CNOT2: variants seen among roughly 807,000 people sequenced by gnomAD.
CNOT2 encodes CC chemokine receptor 4-negative regulator of transcription 2.
A neutral mutation model predicts 72.1 loss-of-function variants in CNOT2; 7 were observed. The observed-to-expected ratio is 0.10, with a 90% CI of 0.06 to 0.18. The LOEUF is 0.18. CNOT2 is among the 10% of genes least tolerant of loss of function. The pLI is 1.00. For synonymous variants in CNOT2, 196 were observed against 225.6 expected, an observed-to-expected ratio of 0.87 and a Z score of 1.17; for missense variants, 345 against 660.3, an observed-to-expected ratio of 0.52 and a Z score of 5.23.
chr12:70,294,025 A>C (rs751433487), intron 2 of CNOT2: 142 of 915,134 alleles, frequency 1.6e-4, no homozygotes, highest in Non-Finnish European at 2.1e-4. Flanking sequence ...TAATGTTGAA[A>C]CTGGACATTC....
In CNOT2 at chr12:70,315,807, G is replaced by A. The variant is rs762477709; in HGVS notation, c.172-3491G>A. ...AGCATTCTATTAATCTTTTTCTACCGTTTGCCACTCTTAAGAGCACAAGTT... is the reference window on the plus strand; with the variant it reads ...AGCATTCTATTAATCTTTTTCTACCATTTGCCACTCTTAAGAGCACAAGTT... On this transcript the variant is annotated intron_variant, in intron 3 of 15. Coordinates refer to ENST00000229195, the MANE Select transcript of CNOT2 (RefSeq NM_014515.7). Among the ~76,000 whole-genome samples the A allele has an allele frequency of 5.3e-5, 8 of 151,974 alleles. No individual in the cohort carries two copies. In the East Asian group the frequency reaches 5.8e-4, roughly 11 times the overall value.
At chr12:70,257,949 C>T (rs1419457646) in intron 1 of CNOT2, among the ~76,000 whole-genome samples, 2 of 152,058 alleles carry the variant, frequency 1.3e-5, no homozygotes, top group Admixed American at 6.5e-5. Context: ...AAATTGTGTC[C>T]TTTTTAATTT....
chr12:70,324,059 G>A (rs780466469), intron 4 of CNOT2: 1 of 151,778 alleles, frequency 6.6e-6, no homozygotes, highest in Non-Finnish European at 1.5e-5. Flanking sequence ...CAGATTGTAA[G>A]TAGTAGAACC....
chr12:70,337,279 A>G (rs1164499692), intron 8 of CNOT2, 110 bp from the exon 9 acceptor site: 1 of 828,190 alleles, frequency 1.2e-6, no homozygotes, highest in African/African-American at 1.7e-5. Flanking sequence ...TCATAGCATT[A>G]AAAAAAAGAA....
At chr12:70,302,144 G>T (rs1274425928) in intron 2 of CNOT2, among the ~76,000 whole-genome samples, 4 of 152,080 alleles carry the variant, frequency 2.6e-5, no homozygotes, top group Non-Finnish European at 4.4e-5. Flanking sequence ...TATCAATTTT[G>T]TTGATCCTTT....
At chr12:70,313,162 G>T (rs1876758699) in intron 3 of CNOT2, among the ~76,000 whole-genome samples, 1 of 151,720 alleles carries the variant, frequency 6.6e-6, no homozygotes, top group South Asian at 2.1e-4. Context: ...CAGTGTGATG[G>T]GTCTTTTCCA....
At chr12:70,339,076 GTA>G (rs748811801) in intron 11 of CNOT2, among the ~76,000 whole-genome samples, 1,571 of 128,438 alleles carry the variant, frequency 0.012, 12 homozygotes, top group Admixed American at 0.018. Context: ...ATGTGTGTGT[GTA>G]TATATATATA....
At position 70,338,730 on chromosome 12, in the gene CNOT2, A is replaced by G. The variant is rs1318891345; in HGVS notation, c.1086A>G (p.Thr362=). ...AATTTGGAATGATTGGCCTGTTAACATTTATCAGGGCAGCAGAGACAGACC... is the reference window on the plus strand; with the variant it reads ...AATTTGGAATGATTGGCCTGTTAACGTTTATCAGGGCAGCAGAGACAGACC... ...TDQFGMIGLL[T]FIRAAETDPG... is the part of the protein sequence containing the mutation. Residue 362 remains threonine (T), a synonymous_variant, in exon 11 of 16, where the codon ACA becomes ACG. Transcript: ENST00000229195. 1.2e-6 allele frequency: 2 copies of G among 1,612,808 alleles called. No individual in the cohort carries two copies. Among genetic ancestry groups the G allele is most frequent in the Admixed American group, 1.7e-5 (1 of 59,936 alleles).
At position 70,319,327 on chromosome 12, in the gene CNOT2, G is replaced by A. The variant is rs774215767; in HGVS notation, c.201G>A (p.Gln67=). ...DMLASPSTSG[Q]LSQFGASLYG... ...TGGCATCACCATCTACATCAGGTCAGCTGTCTCAGTTTGGGGCAAGTTTAT... is the reference window on the plus strand; with the variant it reads ...TGGCATCACCATCTACATCAGGTCAACTGTCTCAGTTTGGGGCAAGTTTAT... Residue 67 remains glutamine (Q), a synonymous_variant, in exon 4 of 16, where the codon CAG becomes CAA. Coordinates refer to ENST00000229195, the MANE Select transcript of CNOT2 (RefSeq NM_014515.7). 2.2e-5 allele frequency: 36 copies of A among 1,610,566 alleles called. No individual in the cohort carries two copies. The highest frequency in any genetic ancestry group is 1.6e-4 in the Middle Eastern group (1 of 6,066).
intron 2 of CNOT2, among the ~76,000 whole-genome samples, chr12:70,308,665 C>T (rs572427736): frequency 4.8e-4 from 72 of 151,076 alleles, no homozygotes; most frequent in African/African-American, 1.7e-3. Context: ...CATTTTCTTT[C>T]GTCTGGAACA....
intron 2 of CNOT2, chr12:70,297,863 A>G (rs1009759970): frequency 5.5e-5 from 13 of 236,954 alleles, no homozygotes; most frequent in Non-Finnish European, 9.5e-5. Context: ...TCGGCCTCCA[A>G]GTAGCTGGGA....
intron 1 of CNOT2, among the ~76,000 whole-genome samples, chr12:70,260,182 C>G (rs1403784752): frequency 6.6e-6 from 1 of 152,118 alleles, no homozygotes; most frequent in African/African-American, 2.4e-5. Flanking sequence ...GCTAATTTCT[C>G]CAAAGAAACC....
intron 1 of CNOT2, among the ~76,000 whole-genome samples, chr12:70,274,043 A>G (rs1415543796): frequency 2.6e-5 from 4 of 152,294 alleles, no homozygotes; most frequent in African/African-American, 9.6e-5. Flanking sequence ...AACCCATATT[A>G]CTAAAATACT....
At chr12:70,292,194 A>T (rs563448073) in intron 2 of CNOT2, among the ~76,000 whole-genome samples, 2 of 152,296 alleles carry the variant, frequency 1.3e-5, no homozygotes, top group Admixed American at 1.3e-4. Flanking sequence ...ATCACATATG[A>T]TGCACTTGAG....
chr12:70,296,305 G>A (rs2904524), intron 2 of CNOT2, among the ~76,000 whole-genome samples: 23,979 of 152,094 alleles, frequency 0.16, 2,155 homozygotes, highest in Admixed American at 0.28. Context: ...GATTGTGGAA[G>A]TGTTTGTATA....
chr12:70,315,129 G>A (rs1877114381), intron 3 of CNOT2, among the ~76,000 whole-genome samples: 1 of 152,144 alleles, frequency 6.6e-6, no homozygotes, highest in Non-Finnish European at 1.5e-5. Flanking sequence ...CTCCCAAAGT[G>A]CTGGGATTAC....
chr12:70,309,650 A>G (rs1876108780), intron 2 of CNOT2, among the ~76,000 whole-genome samples: 1 of 152,074 alleles, frequency 6.6e-6, no homozygotes, highest in Non-Finnish European at 1.5e-5. Flanking sequence ...ACAGATATCA[A>G]ATTTGAGATG....
Position 70,338,495 on chromosome 12 carries a change from C to A in CNOT2, c.953C>A (p.Pro318His), listed in dbSNP as rs1353118091. Reference protein sequence around the residue: ...TTSSTDGPKFPGDKSSTTQNN... With the variant: ...TTSSTDGPKFHGDKSSTTQNN... ...TCAAGTACAGATGGACCCAAATTCCCTGGAGATAAAAGTTCAACAACACAA... is the reference window on the plus strand; with the variant it reads ...TCAAGTACAGATGGACCCAAATTCCATGGAGATAAAAGTTCAACAACACAA... The change falls in exon 10 of 16, where the codon CCT (proline) becomes CAT (histidine). Residue 318 changes from proline to histidine, a missense_variant. Physicochemically the swap from Pro to His is moderately conservative, Grantham distance 77. Coordinates refer to ENST00000229195, the MANE Select transcript of CNOT2 (RefSeq NM_014515.7). The A allele has an allele frequency of 6.2e-7, 1 of 1,613,108 alleles. No homozygotes were observed. The highest frequency in any genetic ancestry group is 1.7e-5 in the Admixed American group (1 of 59,880).
intron 2 of CNOT2, among the ~76,000 whole-genome samples, chr12:70,296,445 G>A (rs1872809197): frequency 6.6e-6 from 1 of 151,826 alleles, no homozygotes. Context: ...TTCTGCATTG[G>A]CTAAAACAAT....
Sources: allele counts gnomAD v4.1 joint callset (sites outside exome capture counted in the v4.1 genomes callset), GRCh38; gene constraint gnomAD v4.1.1; transcripts MANE v1.5; gene names NCBI Gene and HGNC (gene_info 2026-07-23, HGNC 2026-07-21).